Variants in MAP3K2 observed in about 807,000 individuals in gnomAD.
MAP3K2 encodes MAP/ERK kinase kinase 2.
MAP3K2 carries 24 observed loss-of-function variants against 80.3 expected under a neutral mutation model. The ratio of observed to expected loss-of-function variants is 0.30; its 90% CI spans 0.22 to 0.42. MAP3K2 has a LOEUF of 0.42. Ranked by LOEUF, MAP3K2 falls within the 10% of genes least tolerant of loss-of-function variation. The probability of loss-of-function intolerance (pLI) is 1.00; values close to 1 mark genes in which losing one functional copy is unlikely to be tolerated. For synonymous variants in MAP3K2, 244 were observed against 253.7 expected (o/e 0.96, Z 0.36); for missense variants, 608 against 750.1 (o/e 0.81, Z 2.21).
At position 127,387,969 on chromosome 2, in the gene MAP3K2, C is replaced by T. The variant is rs1031697935; in HGVS notation, c.-583G>A. 1.0e-6 allele frequency: 1 copy of T among 984,448 alleles called. No individual in the cohort carries two copies. Among genetic ancestry groups the T allele is most frequent in the Non-Finnish European group, 1.2e-6 (1 of 829,688 alleles). 61.0% of individuals were successfully genotyped at this position (984,448 alleles called of 1,614,324 possible). ...AGCCCGGCAGCCACTACACACGGAC[C>T]CGTGACGTCGGGCGTAGCGCGGCGC... On this transcript the variant is annotated 5_prime_UTR_variant, in exon 1 of 17. Coordinates refer to ENST00000682094, the MANE Select transcript of MAP3K2 (RefSeq NM_001371910.2).
chr2:127,387,454 G>T lies in MAP3K2; in HGVS notation c.-68C>A. The T allele has an allele frequency of 1.0e-6, 1 of 982,986 alleles. No homozygotes were observed. The allele number at this position is 982,986 out of a possible 1,614,324, so 60.9% of individuals were successfully genotyped here. On this transcript the variant is annotated splice_region_variant and 5_prime_UTR_variant, in exon 1 of 17. Transcript: ENST00000682094. ...CGCGCACGCACACACGCACGTACCG[G>T]CTGCTCCGCAGGGACGTAGAGAGCC...
intron 1 of MAP3K2, among the ~76,000 whole-genome samples, chr2:127,349,326 T>C (rs1319009602): frequency 1.3e-5 from 2 of 151,800 alleles, no homozygotes; most frequent in East Asian, 1.9e-4. Context: ...CCTGGCTAGT[T>C]TTTTGTTTTT....
chr2:127,309,152 A>C (rs1020854574), intron 15 of MAP3K2, among the ~76,000 whole-genome samples: 6 of 152,216 alleles, frequency 3.9e-5, no homozygotes, highest in Non-Finnish European at 8.8e-5. Context: ...TATTTCCCTG[A>C]GAAGTCAGCC....
rs1686315952 is a variant in MAP3K2, at chr2:127,334,077, G to A, written c.264+1793C>T. Among the ~76,000 whole-genome samples the A allele has an allele frequency of 1.3e-5, 2 of 152,074 alleles. 1 individual carries two copies. Among genetic ancestry groups the A allele is most frequent in the South Asian group, 4.1e-4 (2 of 4,822 alleles). On this transcript the variant is annotated intron_variant, in intron 5 of 16. Coordinates refer to ENST00000682094, the MANE Select transcript of MAP3K2 (RefSeq NM_001371910.2). Reference sequence around the variant, plus strand: ...ATCGGGCCACTGCATTCCAACCTGGGTGACAGAGTGAAACCTCGTCTCACA... The same window carrying A: ...ATCGGGCCACTGCATTCCAACCTGGATGACAGAGTGAAACCTCGTCTCACA...
intron 1 of MAP3K2, among the ~76,000 whole-genome samples, chr2:127,369,434 C>A (rs1224650563): frequency 1.4e-5 from 2 of 138,018 alleles, no homozygotes; most frequent in Non-Finnish European, 3.1e-5. Context: ...AGATCGAGAC[C>A]CTCCTGGCTA....
At chr2:127,313,676 T>C (rs1035657710) in intron 15 of MAP3K2, among the ~76,000 whole-genome samples, 2 of 152,240 alleles carry the variant, frequency 1.3e-5, no homozygotes, top group Non-Finnish European at 2.9e-5. Context: ...AGATGCATTC[T>C]GAAAAATGCA....
At chr2:127,343,791 G>C (rs1036696426) in intron 1 of MAP3K2, among the ~76,000 whole-genome samples, 2 of 152,190 alleles carry the variant, frequency 1.3e-5, no homozygotes, top group African/African-American at 4.8e-5. Flanking sequence ...GCCTAGGCAG[G>C]CGGATTGCTT....
At chr2:127,351,849 TA>T (rs965408069) in intron 1 of MAP3K2, among the ~76,000 whole-genome samples, 30 of 152,156 alleles carry the variant, frequency 2.0e-4, no homozygotes, top group Admixed American at 1.6e-3. Context: ...TCATATAATC[TA>T]GACTTCCCTA....
chr2:127,369,702 G>A (rs1392564868), intron 1 of MAP3K2, among the ~76,000 whole-genome samples: 1 of 152,142 alleles, frequency 6.6e-6, no homozygotes, highest in East Asian at 1.9e-4. Context: ...CTGGGCATAT[G>A]GAAAGATTAA....
At chr2:127,318,435 A>G (rs1406666209) in intron 12 of MAP3K2, 118 bp from the exon 13 acceptor site, 1 of 712,510 alleles carries the variant, frequency 1.4e-6, no homozygotes, top group Non-Finnish European at 2.0e-6. Context: ...GGATATAAGG[A>G]AAAATTATGA....
intron 1 of MAP3K2, 21 bp from the exon 2 acceptor site, chr2:127,343,215 A>C: frequency 1.0e-6 from 1 of 963,994 alleles, no homozygotes. Context: ...AAAACAGATC[A>C]GCATATTAAT....
intron 5 of MAP3K2, among the ~76,000 whole-genome samples, chr2:127,335,173 CAACTTAT>C (rs1296585824): frequency 1.3e-5 from 2 of 152,280 alleles, no homozygotes; most frequent in Non-Finnish European, 1.5e-5. Context: ...TGAGGTGCTG[CAACTTAT>C]AACTTATAGC....
At position 127,303,512 on chromosome 2, in the gene MAP3K2, T is replaced by C. The variant is rs1685637237; in HGVS notation, c.*4067A>G. 1 of 152,106 alleles carries C rather than the reference T, an allele frequency of 6.6e-6. No individual in the cohort carries two copies. The highest frequency in any genetic ancestry group is 1.5e-5 in the Non-Finnish European group (1 of 67,996). The allele number at this position is 152,106 out of a possible 1,614,324, so 9.4% of individuals were successfully genotyped here. On this transcript the variant is annotated 3_prime_UTR_variant, in exon 17 of 17. Coordinates refer to ENST00000682094, the MANE Select transcript of MAP3K2 (RefSeq NM_001371910.2). ...ACTCTAATCCCTGTTGTCAGTGACA[T>C]TTCCGTTTATAACAGCCAATGATTA...
intron 1 of MAP3K2, among the ~76,000 whole-genome samples, chr2:127,344,467 T>C (rs1053266489): frequency 2.9e-5 from 4 of 137,926 alleles, no homozygotes; most frequent in African/African-American, 5.5e-5. Flanking sequence ...CTGGGCAACA[T>C]AGGGAGACTC....
At position 127,305,904 on chromosome 2, in the gene MAP3K2, AGT is replaced by A. The variant is rs1685688331; in HGVS notation, c.*1673_*1674del. On this transcript the variant is annotated 3_prime_UTR_variant, in exon 17 of 17. Transcript: ENST00000682094. ...GTGGCAGCTTTTTAACCTTCCCATT[AGT>A]AGTTAAAATTTTGTTTTGATATGCT... 3 of 148,966 alleles carry A rather than the reference AGT, an allele frequency of 2.0e-5. No homozygotes were observed. The South Asian group carries it at 6.4e-4, about 32-fold the overall frequency. The allele number at this position is 148,966 out of a possible 1,614,324, so 9.2% of individuals were successfully genotyped here.
rs183393825 is a variant in MAP3K2, at chr2:127,320,060, A to T, written c.1046-1743T>A. On this transcript the variant is annotated intron_variant, in intron 12 of 16. Coordinates refer to ENST00000682094, the MANE Select transcript of MAP3K2 (RefSeq NM_001371910.2). Reference sequence around the variant, plus strand: ...GAGCTGTGCCTATTTCCAGGCATACATTCTATTTACCTCCTCCCTTATCCT... The same window carrying T: ...GAGCTGTGCCTATTTCCAGGCATACTTTCTATTTACCTCCTCCCTTATCCT... Among the ~76,000 whole-genome samples, 272 of 152,278 alleles carry T rather than the reference A, an allele frequency of 1.8e-3. 1 individual carries two copies. The highest frequency in any genetic ancestry group is 6.8e-3 in the Middle Eastern group (2 of 294).
In MAP3K2 at chr2:127,387,828, C is replaced by CAGGG. The variant is rs894511213; in HGVS notation, c.-446_-443dup. The stretch of plus-strand genomic sequence containing the variant: ...GAGGCGGGAGTGGCGACTCTGCGGA[C>CAGGG]AGGGGCGCCGAGCGTCCTGGTCGTT... On this transcript the variant is annotated 5_prime_UTR_variant, in exon 1 of 17. Coordinates refer to ENST00000682094, the MANE Select transcript of MAP3K2 (RefSeq NM_001371910.2). The CAGGG allele has an allele frequency of 2.0e-6, 2 of 984,916 alleles. No homozygotes were observed. The highest frequency in any genetic ancestry group is 3.5e-5 in the African/African-American group (2 of 57,128). The allele number at this position is 984,916 out of a possible 1,614,324, so 61.0% of individuals were successfully genotyped here.
intron 16 of MAP3K2, among the ~76,000 whole-genome samples, chr2:127,308,354 T>C (rs1324921580): frequency 6.6e-6 from 1 of 152,266 alleles, no homozygotes; most frequent in Non-Finnish European, 1.5e-5. Flanking sequence ...TGCTGAGGTT[T>C]GCTCACGACA....
intron 1 of MAP3K2, among the ~76,000 whole-genome samples, chr2:127,357,168 T>A (rs1409660796): frequency 6.6e-6 from 1 of 152,186 alleles, no homozygotes; most frequent in East Asian, 1.9e-4. Flanking sequence ...GACCTATAAA[T>A]TGAACAAAAT....
Sources: gnomAD v4.1 joint callset for allele counts (sites outside exome capture counted in the v4.1 genomes callset) on GRCh38, gnomAD v4.1.1 for gene constraint, MANE v1.5 for transcripts, NCBI Gene and HGNC (gene_info 2026-07-23, HGNC 2026-07-21) for gene names.